NTRK2: variants seen among roughly 807,000 people sequenced by gnomAD.
NTRK2 encodes BDNF/NT-3 growth factors receptor.
Under a neutral mutation model 94.5 loss-of-function variants are expected in NTRK2, and 13 were observed. That is an observed-to-expected ratio of 0.14 (90% CI 0.09 to 0.22). NTRK2 has a LOEUF of 0.22. Ranked by LOEUF, NTRK2 falls within the 10% of genes least tolerant of loss-of-function variation. The pLI is 1.00. For synonymous variants in NTRK2, 372 were observed against 407.4 expected, an observed-to-expected ratio of 0.91 and a Z score of 1.05; for missense variants, 639 against 1,071.2, an observed-to-expected ratio of 0.60 and a Z score of 5.63.
chr9:84,876,770 C>A, intron 14 of NTRK2: 1 of 1,061,136 alleles, frequency 9.4e-7, no homozygotes, highest in Non-Finnish European at 1.1e-6. Context: ...ATTATCAATA[C>A]ATGTAGCTGC....
At chr9:84,861,980 C>T (rs1364334912) in intron 13 of NTRK2, among the ~76,000 whole-genome samples, 1 of 152,170 alleles carries the variant, frequency 6.6e-6, no homozygotes, top group Non-Finnish European at 1.5e-5. Context: ...TGTCACTTTC[C>T]ATCCTGACGT....
chr9:84,808,385 A>G (rs1174879818), intron 12 of NTRK2, among the ~76,000 whole-genome samples: 2 of 152,232 alleles, frequency 1.3e-5, no homozygotes, highest in Non-Finnish European at 2.9e-5. Flanking sequence ...CCTTTATACC[A>G]GCAGGTTAAT....
intron 2 of NTRK2, among the ~76,000 whole-genome samples, chr9:84,687,621 T>C (rs2059797806): frequency 6.6e-6 from 1 of 152,230 alleles, no homozygotes; most frequent in Admixed American, 6.5e-5. Flanking sequence ...AGGCAATAGA[T>C]ACTCTGTTGG....
rs547559719 is a variant in NTRK2 at position 84,751,713 on chromosome 9, T to C, written c.1297-273T>C. 2.6e-5 allele frequency among the ~76,000 whole-genome samples: 4 copies of C among 152,324 alleles called. No individual in the cohort carries two copies. In the East Asian group the frequency reaches 7.7e-4, roughly 29 times the overall value. ...GATGGATGGAGAGAGAGCTGTAATATTTTTAAAATGCCAATTGGATAGCCA... is the reference window on the plus strand; with the variant it reads ...GATGGATGGAGAGAGAGCTGTAATACTTTTAAAATGCCAATTGGATAGCCA... On this transcript the variant is annotated intron_variant, in intron 11 of 18. Transcript: ENST00000277120.
chr9:84,919,263 G>T (rs2077489936), intron 14 of NTRK2, among the ~76,000 whole-genome samples: 1 of 152,120 alleles, frequency 6.6e-6, no homozygotes. Context: ...ATCCACATCA[G>T]CTTCTTTCTT....
intron 2 of NTRK2, among the ~76,000 whole-genome samples, chr9:84,698,393 A>G (rs1468225194): frequency 2.0e-5 from 3 of 152,016 alleles, no homozygotes; most frequent in African/African-American, 7.2e-5. Context: ...TAATATATAT[A>G]TATATATATC....
chr9:84,773,477 C>G (rs1339046356), intron 12 of NTRK2, among the ~76,000 whole-genome samples: 1 of 152,140 alleles, frequency 6.6e-6, no homozygotes, highest in Non-Finnish European at 1.5e-5. Flanking sequence ...GGGATTAGTG[C>G]GGGGTTCCCT....
chr9:84,788,591 G>A (rs901926481), intron 12 of NTRK2, among the ~76,000 whole-genome samples: 6 of 152,182 alleles, frequency 3.9e-5, no homozygotes, highest in African/African-American at 1.2e-4. Flanking sequence ...AGGCAGAACA[G>A]TGGGACAGGA....
At chr9:84,870,126 T>TACAC (rs1554757395) in intron 14 of NTRK2, among the ~76,000 whole-genome samples, 4 of 95,654 alleles carry the variant, frequency 4.2e-5, no homozygotes, top group African/African-American at 1.3e-4. Context: ...TATATATATA[T>TACAC]ACACACACAC....
rs530749150 is a variant in NTRK2, at chr9:85,026,152, A to T, written c.*4715A>T. 4.5e-6 allele frequency: 1 copy of T among 220,966 alleles called. No homozygotes were observed. The highest frequency in any genetic ancestry group is 1.8e-4 in the South Asian group (1 of 5,444). 13.7% of individuals were successfully genotyped at this position (220,966 alleles called of 1,614,324 possible). On this transcript the variant is annotated 3_prime_UTR_variant, in exon 19 of 19. Transcript: ENST00000277120. ...AGCAAAAAAAAAAATATATATATAT[A>T]TATCTGTATATGTGTTGTAGGCAAA...
intron 17 of NTRK2, among the ~76,000 whole-genome samples, chr9:84,962,580 T>C (rs1825077626): frequency 6.6e-6 from 1 of 152,164 alleles, no homozygotes; most frequent in Admixed American, 6.5e-5. Context: ...TTAGTTATGC[T>C]TCCAGGTGCA....
chr9:84,895,768 A>C (rs1302082474), intron 14 of NTRK2, among the ~76,000 whole-genome samples: 1 of 152,014 alleles, frequency 6.6e-6, no homozygotes, highest in Non-Finnish European at 1.5e-5. Flanking sequence ...CTCCCACCTC[A>C]CTTCTGCAGT....
intron 15 of NTRK2, among the ~76,000 whole-genome samples, chr9:84,946,038 G>GTA (rs1181858152): frequency 5.3e-5 from 8 of 152,208 alleles, no homozygotes; most frequent in Non-Finnish European, 8.8e-5. Context: ...GAAGCACCGA[G>GTA]GCCGTGATCT....
At chr9:84,724,070 T>C (rs2062267031) in intron 7 of NTRK2, among the ~76,000 whole-genome samples, 154 bp from the exon 8 acceptor site, 1 of 152,230 alleles carries the variant, frequency 6.6e-6, no homozygotes, top group Non-Finnish European at 1.5e-5. Context: ...GAATAACTTC[T>C]GATTTACTTC....
intron 12 of NTRK2, among the ~76,000 whole-genome samples, chr9:84,763,403 A>AT (rs2065763801): frequency 6.6e-6 from 1 of 151,544 alleles, no homozygotes; most frequent in East Asian, 1.9e-4. Context: ...ATGAAAAATG[A>AT]TTTTTTCTGA....
At chr9:85,018,403 A>G (rs1277042057) in intron 17 of NTRK2, among the ~76,000 whole-genome samples, 3 of 152,226 alleles carry the variant, frequency 2.0e-5, no homozygotes, top group Non-Finnish European at 4.4e-5. Flanking sequence ...GCACATAAAC[A>G]GAAGGGTCAT....
chr9:84,955,724 G>T (rs891988434), intron 17 of NTRK2: 5 of 650,148 alleles, frequency 7.7e-6, no homozygotes, highest in East Asian at 2.8e-5. Flanking sequence ...TCCTTGGCTT[G>T]CAGGTGGCTG....
intron 5 of NTRK2, 97 bp from the exon 6 acceptor site, chr9:84,710,540 G>T: frequency 7.6e-7 from 1 of 1,308,656 alleles, no homozygotes; most frequent in East Asian, 2.3e-5. Flanking sequence ...AGCATTGCTG[G>T]CTAGAAAGAA....
chr9:85,009,284 T>C (rs1216937672), intron 17 of NTRK2, among the ~76,000 whole-genome samples: 1 of 152,244 alleles, frequency 6.6e-6, no homozygotes, highest in Admixed American at 6.5e-5. Context: ...ATTCCAGACT[T>C]GCTATAAACA....
Sources: gnomAD v4.1 joint callset for allele counts (sites outside exome capture counted in the v4.1 genomes callset) on GRCh38, gnomAD v4.1.1 for gene constraint, MANE v1.5 for transcripts, NCBI Gene and HGNC (gene_info 2026-07-23, HGNC 2026-07-21) for gene names.